The following GPC5 variants were observed in gnomAD, a reference collection of about 807,000 sequenced individuals.
GPC5 encodes glypican-5.
GPC5 carries 47 observed loss-of-function variants against 53.9 expected under a neutral mutation model. The observed-to-expected ratio is 0.87, with a 90% CI of 0.69 to 1.11. The LOEUF is 1.11. Among genes scored for constraint, GPC5 ranks in the 50% most tolerant of loss-of-function variants. The pLI is 0.00. For missense variants in GPC5, 748 were observed against 713.1 expected (o/e 1.05, Z -0.56); for synonymous variants, 286 against 263.3 (o/e 1.09, Z -0.84).
chr13:92,565,361 C>T (rs1445276241), intron 7 of GPC5, among the ~76,000 whole-genome samples: 2 of 151,896 alleles, frequency 1.3e-5, no homozygotes, highest in South Asian at 2.1e-4. Context: ...TTTATAAGTT[C>T]TATCTTTTTA....
chr13:92,474,350 A>G (rs1199290724), intron 7 of GPC5, among the ~76,000 whole-genome samples: 1 of 151,996 alleles, frequency 6.6e-6, no homozygotes, highest in Non-Finnish European at 1.5e-5. Flanking sequence ...ATGTATATTT[A>G]GTTTCTAACT....
At chr13:91,734,344 G>T (rs182379170) in intron 4 of GPC5, among the ~76,000 whole-genome samples, 3 of 151,390 alleles carry the variant, frequency 2.0e-5, no homozygotes, top group Non-Finnish European at 4.4e-5. Context: ...GGGATTGTGC[G>T]ATGGGTAAGT....
intron 5 of GPC5, among the ~76,000 whole-genome samples, chr13:91,857,584 T>C (rs1051590689): frequency 2.0e-5 from 3 of 151,328 alleles, no homozygotes; most frequent in East Asian, 1.9e-4. Flanking sequence ...ATGGCTGTTT[T>C]TTTTTTCCAA....
At chr13:92,114,151 TAA>T (rs1482994125) in intron 6 of GPC5, among the ~76,000 whole-genome samples, 1 of 152,136 alleles carries the variant, frequency 6.6e-6, no homozygotes, top group Non-Finnish European at 1.5e-5. Context: ...ACCTCAAACA[TAA>T]AGAGTATAGA....
chr13:91,471,319 G>A (rs912849239), intron 2 of GPC5, among the ~76,000 whole-genome samples: 4 of 151,410 alleles, frequency 2.6e-5, no homozygotes, highest in African/African-American at 7.3e-5. Context: ...TGGAGATAAT[G>A]TTTCTCTGAG....
intron 7 of GPC5, among the ~76,000 whole-genome samples, chr13:92,523,280 T>G (rs561345921): frequency 4.2e-4 from 64 of 152,266 alleles, no homozygotes; most frequent in African/African-American, 1.5e-3. Flanking sequence ...CAAACAAGTG[T>G]TCCAAATTTG....
intron 7 of GPC5, among the ~76,000 whole-genome samples, chr13:92,460,093 C>A (rs527590630): frequency 1.2e-4 from 18 of 152,076 alleles, no homozygotes; most frequent in Admixed American, 3.9e-4. Context: ...CAAGTACAAA[C>A]AATCTTAATC....
At chr13:92,401,494 G>A (rs1875557863) in intron 7 of GPC5, among the ~76,000 whole-genome samples, 1 of 151,778 alleles carries the variant, frequency 6.6e-6, no homozygotes, top group Admixed American at 6.6e-5. Flanking sequence ...ATTATTTCAT[G>A]GATAACAAAA....
intron 7 of GPC5, among the ~76,000 whole-genome samples, chr13:92,320,448 C>T (rs1459856601): frequency 6.6e-6 from 1 of 152,110 alleles, no homozygotes; most frequent in Non-Finnish European, 1.5e-5. Flanking sequence ...GTTTTTCTAG[C>T]TGTTCAGCTT....
chr13:92,159,593 CTTTTTTTT>C (rs71120074), intron 7 of GPC5, among the ~76,000 whole-genome samples: 4 of 57,218 alleles, frequency 7.0e-5, no homozygotes, highest in Admixed American at 4.6e-4. Flanking sequence ...TACCAATGTT[CTTTTTTTT>C]TTTTTTTTTT....
intron 7 of GPC5, among the ~76,000 whole-genome samples, chr13:92,193,111 G>C (rs1051189015): frequency 5.9e-5 from 9 of 152,256 alleles, no homozygotes; most frequent in Middle Eastern, 3.4e-3. Context: ...GATGCTGGAG[G>C]TTGCAGTGAG....
intron 6 of GPC5, among the ~76,000 whole-genome samples, chr13:91,943,934 G>A (rs76526706): frequency 0.021 from 3,213 of 151,976 alleles, 102 homozygotes; most frequent in African/African-American, 0.073. Context: ...CCTGCAGCCT[G>A]TCTTTCATGT....
In GPC5 at chr13:92,413,728, A is replaced by G. The variant is rs370257239; in HGVS notation, c.1561+268739A>G. On this transcript the variant is annotated intron_variant, in intron 7 of 7. Coordinates refer to ENST00000377067, the MANE Select transcript of GPC5 (RefSeq NM_004466.6). Reference sequence around the variant, plus strand: ...TAGATAAAAATAGAGAACTCAGATAAAGAGGCTGGGTCGAGGTAAAGGATA... The same window carrying G: ...TAGATAAAAATAGAGAACTCAGATAGAGAGGCTGGGTCGAGGTAAAGGATA... 1.2e-4 allele frequency among the ~76,000 whole-genome samples: 19 copies of G among 152,326 alleles called. No homozygotes were observed. In the East Asian group the frequency reaches 3.3e-3, roughly 26 times the overall value.
At chr13:92,188,022 A>G (rs2042196391) in intron 7 of GPC5, among the ~76,000 whole-genome samples, 2 of 152,216 alleles carry the variant, frequency 1.3e-5, no homozygotes, top group South Asian at 4.1e-4. Flanking sequence ...CCATTTATTT[A>G]TGTTGTGATA....
intron 7 of GPC5, among the ~76,000 whole-genome samples, chr13:92,332,073 T>C (rs2043291697): frequency 6.6e-6 from 1 of 152,196 alleles, no homozygotes; most frequent in African/African-American, 2.4e-5. Flanking sequence ...AGTTCATTGC[T>C]AACATCAGCA....
intron 7 of GPC5, among the ~76,000 whole-genome samples, chr13:92,429,759 G>A (rs1026241660): frequency 1.3e-5 from 2 of 152,024 alleles, no homozygotes; most frequent in African/African-American, 4.8e-5. Flanking sequence ...AGATGGATAG[G>A]TAAGAAAGTT....
At chr13:92,772,005 T>C (rs1875634815) in intron 7 of GPC5, among the ~76,000 whole-genome samples, 1 of 152,152 alleles carries the variant, frequency 6.6e-6, no homozygotes, top group South Asian at 2.1e-4. Context: ...GAAACTCATC[T>C]CCAAAATAAT....
At chr13:91,909,468 A>G (rs2039588706) in intron 6 of GPC5, among the ~76,000 whole-genome samples, 2 of 152,184 alleles carry the variant, frequency 1.3e-5, no homozygotes, top group Admixed American at 6.6e-5. Flanking sequence ...GTGCAGGAAG[A>G]AAAAACAGAC....
In GPC5 at chr13:91,399,133, C is replaced by T. The variant is rs1876711052; in HGVS notation, c.87C>T (p.Thr29=). 2 of 1,613,126 alleles carry T rather than the reference C, an allele frequency of 1.2e-6. No homozygotes were observed. Among genetic ancestry groups the T allele is most frequent in the Non-Finnish European group, 1.7e-6 (2 of 1,179,672 alleles). The change falls in exon 1 of 8, where the codon ACC becomes ACT. Residue 29 remains threonine (T), a synonymous_variant. Coordinates refer to ENST00000377067, the MANE Select transcript of GPC5 (RefSeq NM_004466.6). The stretch of plus-strand genomic sequence containing the variant: ...CCGCCCGCAGCGAGGGCGTGCAGAC[C>T]TGCGAAGAAGTTCGGAAACTTTTCC... ...VGSARSEGVQ[T]CEEVRKLFQW... is the part of the protein sequence containing the mutation.
Sources: allele counts gnomAD v4.1 joint callset (sites outside exome capture counted in the v4.1 genomes callset), GRCh38; gene constraint gnomAD v4.1.1; transcripts MANE v1.5; gene names NCBI Gene and HGNC (gene_info 2026-07-23, HGNC 2026-07-21).